Variants in SCAMP1 observed in about 807,000 individuals in gnomAD.
The protein encoded by SCAMP1 is secretory carrier-associated membrane protein 1.
In SCAMP1, 15 loss-of-function variants were observed where a neutral mutation model predicts 41.8. That is an observed-to-expected ratio of 0.36 (90% CI 0.24 to 0.55). SCAMP1 has a LOEUF of 0.55. SCAMP1 is among the 20% of genes least tolerant of loss of function. The pLI is 0.86. For missense variants in SCAMP1, 341 were observed against 412.6 expected (o/e 0.83, Z 1.50); for synonymous variants, 135 against 136.8 (o/e 0.99, Z 0.09).
intron 1 of SCAMP1, among the ~76,000 whole-genome samples, chr5:78,380,458 T>C (rs545578553): frequency 3.3e-5 from 5 of 152,352 alleles, no homozygotes; most frequent in African/African-American, 7.2e-5. Flanking sequence ...CAGTAGAGTA[T>C]GTCAGACTTT....
intron 6 of SCAMP1, among the ~76,000 whole-genome samples, chr5:78,436,502 T>C (rs909024573): frequency 6.6e-6 from 1 of 152,232 alleles, no homozygotes; most frequent in Non-Finnish European, 1.5e-5. Flanking sequence ...ATTTCTTGTT[T>C]TTGTCAGGTT....
chr5:78,392,330 G>A (rs1206858626), intron 2 of SCAMP1, among the ~76,000 whole-genome samples: 2 of 152,168 alleles, frequency 1.3e-5, no homozygotes, highest in Admixed American at 6.5e-5. Context: ...AGGTCAGCTA[G>A]CAAGTAAGTG....
intron 8 of SCAMP1, among the ~76,000 whole-genome samples, chr5:78,460,049 C>T (rs60508670): frequency 0.036 from 5,407 of 152,212 alleles, 345 homozygotes; most frequent in African/African-American, 0.12. Context: ...AGGATAATGG[C>T]GTGCAGCTGC....
chr5:78,460,699 C>CTTTA (rs1753563650), intron 8 of SCAMP1, among the ~76,000 whole-genome samples: 1 of 151,178 alleles, frequency 6.6e-6, no homozygotes, highest in South Asian at 2.1e-4. Context: ...TAGATTGTCT[C>CTTTA]TTTACTCTGT....
At chr5:78,460,171 G>A (rs566597662) in intron 8 of SCAMP1, among the ~76,000 whole-genome samples, 2 of 152,308 alleles carry the variant, frequency 1.3e-5, no homozygotes, top group Non-Finnish European at 2.9e-5. Context: ...CGCTTAGGTT[G>A]ATTCTGTGAC....
intron 2 of SCAMP1, among the ~76,000 whole-genome samples, chr5:78,396,624 T>C (rs1456384385): frequency 6.6e-6 from 1 of 151,862 alleles, no homozygotes; most frequent in African/African-American, 2.4e-5. Flanking sequence ...TATTTAAAGG[T>C]ATAAGACTGG....
Sources: gnomAD v4.1 joint callset for allele counts (sites outside exome capture counted in the v4.1 genomes callset) on GRCh38, gnomAD v4.1.1 for gene constraint, MANE v1.5 for transcripts, NCBI Gene and HGNC (gene_info 2026-07-23, HGNC 2026-07-21) for gene names.